GABRG3: variants seen among roughly 807,000 people sequenced by gnomAD.
GABRG3 encodes gamma-aminobutyric acid receptor subunit gamma-3.
Under a neutral mutation model 48.8 loss-of-function variants are expected in GABRG3, and 25 were observed. The observed-to-expected ratio is 0.51, with a 90% CI of 0.37 to 0.72. The LOEUF is 0.72. GABRG3 is among the 30% of genes least tolerant of loss of function. The pLI is 0.00. For missense variants in GABRG3, 394 were observed against 577.9 expected, an observed-to-expected ratio of 0.68 and a Z score of 3.26; for synonymous variants, 227 against 217.6, an observed-to-expected ratio of 1.04 and a Z score of -0.38.
intron 1 of GABRG3, 62 bp downstream of exon 1, chr15:26,971,650 C>G (rs1475873429): frequency 6.7e-7 from 1 of 1,496,320 alleles, no homozygotes; most frequent in African/African-American, 1.5e-5. Flanking sequence ...CGGCGGGGGG[C>G]GCTGTCTGCT....
At chr15:27,034,674 A>G (rs1896145197) in intron 3 of GABRG3, among the ~76,000 whole-genome samples, 1 of 152,326 alleles carries the variant, frequency 6.6e-6, no homozygotes, top group South Asian at 2.1e-4. Context: ...TGTGTGGCAG[A>G]TGCCCATGAG....
chr15:27,336,808 C>T (rs1166307791), intron 5 of GABRG3, among the ~76,000 whole-genome samples: 1 of 152,122 alleles, frequency 6.6e-6, no homozygotes, highest in Non-Finnish European at 1.5e-5. Context: ...TTGGTACATC[C>T]TTAAAATGGA....
intron 3 of GABRG3, among the ~76,000 whole-genome samples, chr15:27,031,330 C>G (rs1343708395): frequency 1.3e-5 from 2 of 152,204 alleles, no homozygotes; most frequent in African/African-American, 4.8e-5. Context: ...TTTATCCCTT[C>G]CTATCCCCAG....
intron 3 of GABRG3, among the ~76,000 whole-genome samples, chr15:27,286,651 A>T (rs1891623061): frequency 6.6e-6 from 1 of 152,230 alleles, no homozygotes; most frequent in Middle Eastern, 3.2e-3. Flanking sequence ...ATGGACAAGA[A>T]GCATCAATAA....
chr15:27,190,662 C>T (rs562802703), intron 3 of GABRG3, among the ~76,000 whole-genome samples: 1 of 151,782 alleles, frequency 6.6e-6, no homozygotes, highest in Non-Finnish European at 1.5e-5. Flanking sequence ...TTTTGTTGAT[C>T]CTTTCAAAAA....
chr15:27,506,788 T>G (rs1025157283), intron 6 of GABRG3, among the ~76,000 whole-genome samples: 2 of 151,640 alleles, frequency 1.3e-5, no homozygotes, highest in Non-Finnish European at 2.9e-5. Context: ...AAGCAACTTT[T>G]GGGTTTTTTT....
chr15:27,437,416 T>G (rs1888652391), intron 5 of GABRG3, among the ~76,000 whole-genome samples: 1 of 152,238 alleles, frequency 6.6e-6, no homozygotes, highest in South Asian at 2.1e-4. Context: ...GGAATTCCAT[T>G]TCACTTAGAA....
chr15:26,995,081 G>A (rs1895316555), intron 2 of GABRG3, among the ~76,000 whole-genome samples: 1 of 151,938 alleles, frequency 6.6e-6, no homozygotes, highest in Non-Finnish European at 1.5e-5. Context: ...TGAATTATCT[G>A]TTTCCCCTTT....
chr15:27,461,033 A>G (rs1241413489), intron 5 of GABRG3, among the ~76,000 whole-genome samples: 1 of 152,198 alleles, frequency 6.6e-6, no homozygotes, highest in Non-Finnish European at 1.5e-5. Flanking sequence ...GCAAACTTAT[A>G]CAAACATATC....
intron 3 of GABRG3, among the ~76,000 whole-genome samples, chr15:27,099,515 C>A (rs4514648): frequency 0.25 from 37,349 of 151,856 alleles, 5,280 homozygotes; most frequent in African/African-American, 0.38. Context: ...ACTGTAATAG[C>A]CTCATTTTAA....
At chr15:26,998,017 G>A (rs1054048809) in intron 2 of GABRG3, among the ~76,000 whole-genome samples, 2 of 152,190 alleles carry the variant, frequency 1.3e-5, no homozygotes, top group African/African-American at 4.8e-5. Flanking sequence ...TGATGTATTT[G>A]TGGCTTGGGA....
chr15:27,474,948 G>T lies in GABRG3; in HGVS notation c.575-5702G>T, dbSNP rs1227773429. Among the ~76,000 whole-genome samples the T allele has an allele frequency of 2.0e-5, 3 of 152,018 alleles. No homozygotes were observed. The South Asian group carries it at 6.2e-4, about 32-fold the overall frequency. ...AGTTTGAGACCAGCCTGACCAACATGGTGAAACCCCATCTCTACTGAAAAT... is the reference window on the plus strand; with the variant it reads ...AGTTTGAGACCAGCCTGACCAACATTGTGAAACCCCATCTCTACTGAAAAT... On this transcript the variant is annotated intron_variant, in intron 5 of 9. Transcript: ENST00000615808.
intron 2 of GABRG3, among the ~76,000 whole-genome samples, chr15:27,005,612 C>G (rs1895569603): frequency 6.6e-6 from 1 of 152,130 alleles, no homozygotes; most frequent in South Asian, 2.1e-4. Flanking sequence ...CTGCAAAGGA[C>G]AGAATTTCAC....
At chr15:27,083,727 A>G (rs1376648500) in intron 3 of GABRG3, among the ~76,000 whole-genome samples, 1 of 152,196 alleles carries the variant, frequency 6.6e-6, no homozygotes, top group Non-Finnish European at 1.5e-5. Context: ...AAATCTACAT[A>G]TGGATCATTC....
intron 3 of GABRG3, among the ~76,000 whole-genome samples, chr15:27,071,589 CTG>C (rs1896828439): frequency 6.6e-6 from 1 of 152,222 alleles, no homozygotes. Context: ...AGTCTGCACA[CTG>C]TGGGAAGGCC....
chr15:27,480,828 A>G (rs753751678), intron 6 of GABRG3, 41 bp downstream of exon 6: 1 of 1,609,020 alleles, frequency 6.2e-7, no homozygotes. Flanking sequence ...CAAAAGCCAG[A>G]GAGGCCTAAG....
At chr15:27,017,402 C>A (rs982092085) in intron 2 of GABRG3, among the ~76,000 whole-genome samples, 10 of 152,292 alleles carry the variant, frequency 6.6e-5, no homozygotes, top group African/African-American at 2.2e-4. Context: ...GTGTAGCAAA[C>A]TGAGGTACTG....
In GABRG3 at chr15:27,236,178, G is replaced by A. The variant is rs1889957766; in HGVS notation, c.271-90631G>A. ...AACACTTTTCTGTAAACCGTGTCCG[G>A]CGTACATGGAAGCATCTCAGGAGGA... On this transcript the variant is annotated intron_variant, in intron 3 of 9. Coordinates refer to ENST00000615808, the MANE Select transcript of GABRG3 (RefSeq NM_033223.5). This position sits in a 1 kb window ranked among gnomAD's most constrained non-coding sequence, Gnocchi z 4.4. Among the ~76,000 whole-genome samples the A allele has an allele frequency of 6.6e-6, 1 of 152,124 alleles. No homozygotes were observed. The highest frequency in any genetic ancestry group is 1.5e-5 in the Non-Finnish European group (1 of 68,022).
intron 5 of GABRG3, among the ~76,000 whole-genome samples, chr15:27,366,904 C>T (rs923334998): frequency 1.3e-5 from 2 of 152,184 alleles, no homozygotes; most frequent in Non-Finnish European, 2.9e-5. Context: ...TCTGCACCTG[C>T]AGCAGCCTGC....
Sources: gnomAD v4.1 joint callset for allele counts (sites outside exome capture counted in the v4.1 genomes callset) on GRCh38, gnomAD v4.1.1 for gene constraint, Gnocchi (gnomAD v3.1) non-coding constraint, MANE v1.5 for transcripts, NCBI Gene and HGNC (gene_info 2026-07-23, HGNC 2026-07-21) for gene names.